MRPS18A: variants seen among roughly 807,000 people sequenced by gnomAD.
MRPS18A encodes the protein mitochondrial ribosomal protein S18A, also known as large ribosomal subunit protein mL66.
In MRPS18A, 20 loss-of-function variants were observed where a neutral mutation model predicts 22.7. That is an observed-to-expected ratio of 0.88 (90% confidence interval 0.62 to 1.28). The LOEUF (loss-of-function observed/expected upper bound fraction) is 1.28, where lower values mean the gene tolerates loss of function less well. Ranked by LOEUF, MRPS18A falls within the 50% of genes most tolerant of loss-of-function variation. The pLI is 0.00. For missense variants in MRPS18A, 294 were observed against 262.6 expected, an observed-to-expected ratio of 1.12 and a Z score of -0.83; for synonymous variants, 106 against 99.1, an observed-to-expected ratio of 1.07 and a Z score of -0.41.
chr6:43,672,862 G>T (rs1773818062), intron 5 of MRPS18A, among the ~76,000 whole-genome samples: 1 of 152,324 alleles, frequency 6.6e-6, no homozygotes, highest in African/African-American at 2.4e-5. Flanking sequence ...GAAGCTGCGG[G>T]AGTTGCTGGC....
intron 1 of MRPS18A, among the ~76,000 whole-genome samples, chr6:43,686,314 T>C (rs1311582042): frequency 6.6e-6 from 1 of 151,970 alleles, no homozygotes; most frequent in Non-Finnish European, 1.5e-5. Context: ...ATATGCCTAT[T>C]TTGCAGCATG....
At chr6:43,685,203 G>A (rs146250404) in intron 1 of MRPS18A, among the ~76,000 whole-genome samples, 8 of 152,304 alleles carry the variant, frequency 5.3e-5, no homozygotes, top group African/African-American at 1.7e-4. Flanking sequence ...TACCTTTAAG[G>A]TGTTTTTGAG....
chr6:43,686,880 A>G (rs1171959439), intron 1 of MRPS18A, among the ~76,000 whole-genome samples: 1 of 152,228 alleles, frequency 6.6e-6, no homozygotes, highest in Non-Finnish European at 1.5e-5. Flanking sequence ...CTCTTTATGA[A>G]AACTTCCAAC....
intron 1 of MRPS18A, among the ~76,000 whole-genome samples, chr6:43,684,236 G>C (rs1350862010): frequency 6.6e-6 from 1 of 152,024 alleles, no homozygotes; most frequent in Non-Finnish European, 1.5e-5. Context: ...AAAAAGATGA[G>C]GAGTGCAGGG....
In MRPS18A at chr6:43,681,497, A is replaced by G. The variant is rs141090707; in HGVS notation, c.113-377T>C. 2.3e-3 allele frequency among the ~76,000 whole-genome samples: 344 copies of G among 152,360 alleles called. 1 individual carries two copies. Among genetic ancestry groups the G allele is most frequent in the Middle Eastern group, 0.01 (3 of 294 alleles). ...GGTAGTGGTATCTAAAAGACCTTCA[A>G]AAGTACGCAGGCGGTGTGTGTTCCT... On this transcript the variant is annotated intron_variant, in intron 1 of 5. Coordinates refer to ENST00000372133, the MANE Select transcript of MRPS18A (RefSeq NM_018135.4).
chr6:43,680,463 A>C (rs1267497958), intron 2 of MRPS18A, among the ~76,000 whole-genome samples: 1 of 152,220 alleles, frequency 6.6e-6, no homozygotes, highest in Non-Finnish European at 1.5e-5. Flanking sequence ...GAGGCATAGA[A>C]GGCCATGTGA....
At position 43,675,216 on chromosome 6, in the gene MRPS18A, T is replaced by C. The variant is rs747191839; in HGVS notation, c.432A>G (p.Lys144=). ...GGCTTGCTTACCGGTTGAGTTGGGG[T>C]TTGCTCTTCGGAACAACTCCTTCAG... ...RLPEGVVPKS[K]PQLNRYLTRW... The change falls in exon 5 of 6, where the codon AAA becomes AAG. Residue 144 remains lysine (K), a synonymous_variant. Coordinates refer to ENST00000372133, the MANE Select transcript of MRPS18A (RefSeq NM_018135.4). The C allele has an allele frequency of 2.0e-5, 31 of 1,518,666 alleles. 1 individual carries two copies. In the South Asian group the frequency reaches 4.1e-4, roughly 20 times the overall value. 94.1% of individuals were successfully genotyped at this position (1,518,666 alleles called of 1,614,324 possible).
intron 1 of MRPS18A, among the ~76,000 whole-genome samples, chr6:43,681,994 C>T (rs951759254): frequency 1.3e-5 from 2 of 152,218 alleles, no homozygotes; most frequent in South Asian, 2.1e-4. Context: ...CGTGTTGACA[C>T]AGTTTCTTTA....
At chr6:43,682,960 C>G (rs1329502890) in intron 1 of MRPS18A, among the ~76,000 whole-genome samples, 1 of 152,170 alleles carries the variant, frequency 6.6e-6, no homozygotes, top group Admixed American at 6.5e-5. Flanking sequence ...CCAAAGGAAC[C>G]AAAGGAGAGA....
intron 1 of MRPS18A, among the ~76,000 whole-genome samples, chr6:43,685,193 T>C (rs7771013): frequency 0.21 from 31,618 of 152,218 alleles, 7,835 homozygotes; most frequent in African/African-American, 0.6. Flanking sequence ...AGTTAATATC[T>C]ACCTTTAAGG....
At chr6:43,682,534 T>C (rs1774475894) in intron 1 of MRPS18A, among the ~76,000 whole-genome samples, 1 of 152,264 alleles carries the variant, frequency 6.6e-6, no homozygotes. Context: ...ACTCCAGACA[T>C]ACAAAGGAAT....
At chr6:43,679,550 G>A (rs1286418307) in intron 2 of MRPS18A, among the ~76,000 whole-genome samples, 10 of 152,150 alleles carry the variant, frequency 6.6e-5, no homozygotes, top group African/African-American at 9.7e-5. Flanking sequence ...ATTACTAAGC[G>A]CAATAAACCA....
chr6:43,684,500 T>G (rs1187101130), intron 1 of MRPS18A, among the ~76,000 whole-genome samples: 1 of 152,198 alleles, frequency 6.6e-6, no homozygotes, highest in African/African-American at 2.4e-5. Flanking sequence ...CATTAAAGTT[T>G]CTGGTTCCCT....
chr6:43,684,928 AAC>A (rs1311100972), intron 1 of MRPS18A, among the ~76,000 whole-genome samples: 11 of 152,212 alleles, frequency 7.2e-5, no homozygotes, highest in African/African-American at 2.4e-4. Context: ...AATGAGATCC[AAC>A]ACAGTCTTTG....
At chr6:43,679,744 C>A (rs1774281952) in intron 2 of MRPS18A, among the ~76,000 whole-genome samples, 1 of 152,108 alleles carries the variant, frequency 6.6e-6, no homozygotes, top group Non-Finnish European at 1.5e-5. Context: ...CTGTGCAGGG[C>A]ACTGCTACCC....
chr6:43,680,993 T>G, intron 2 of MRPS18A, 96 bp downstream of exon 2: 1 of 1,136,168 alleles, frequency 8.8e-7, no homozygotes, highest in Non-Finnish European at 1.3e-6. Context: ...ATCCTGGAGC[T>G]GGGCGTCCAG....
intron 3 of MRPS18A, among the ~76,000 whole-genome samples, chr6:43,676,160 C>T (rs1044863345): frequency 6.6e-6 from 1 of 152,126 alleles, no homozygotes; most frequent in African/African-American, 2.4e-5. Context: ...CTCCTGAGAT[C>T]ATCTTCTGAT....
chr6:43,673,968 C>G lies in MRPS18A; in HGVS notation c.446+1234G>C, dbSNP rs1773906926. On this transcript the variant is annotated intron_variant, in intron 5 of 5. Coordinates refer to ENST00000372133, the MANE Select transcript of MRPS18A (RefSeq NM_018135.4). The surrounding 1 kb of genome is among the most constrained non-coding windows in gnomAD (Gnocchi z 4.2). Reference sequence around the variant, plus strand: ...ATTGTGTCCTCAGGCCTGCTGCTGTCTCTTAAAAAGCCAGAGGGGGTGGGC... The same window carrying G: ...ATTGTGTCCTCAGGCCTGCTGCTGTGTCTTAAAAAGCCAGAGGGGGTGGGC... Among the ~76,000 whole-genome samples the G allele has an allele frequency of 6.6e-6, 1 of 152,124 alleles. No homozygotes were observed. The highest frequency in any genetic ancestry group is 2.1e-4 in the South Asian group (1 of 4,822).
intron 1 of MRPS18A, among the ~76,000 whole-genome samples, chr6:43,682,521 C>A (rs1478541103): frequency 6.6e-6 from 1 of 152,220 alleles, no homozygotes; most frequent in Non-Finnish European, 1.5e-5. Flanking sequence ...CTCTCAGTGT[C>A]CAACTCCAGA....
Sources: gnomAD v4.1 joint callset for allele counts (sites outside exome capture counted in the v4.1 genomes callset) on GRCh38, gnomAD v4.1.1 for gene constraint, Gnocchi (gnomAD v3.1) non-coding constraint, MANE v1.5 for transcripts, NCBI Gene and HGNC (gene_info 2026-07-23, HGNC 2026-07-21) for gene names.